WWOX: variants seen among roughly 807,000 people sequenced by gnomAD.
WWOX encodes the protein WW domain containing oxidoreductase.
A neutral mutation model predicts 46.2 loss-of-function variants in WWOX; 69 were observed. The ratio of observed to expected loss-of-function variants is 1.49; its 90% CI spans 1.23 to 1.82. The LOEUF is 1.82. Ranked by LOEUF, WWOX falls within the 40% of genes most tolerant of loss-of-function variation. WWOX has a pLI of 0.00. For missense variants in WWOX, 919 were observed against 542.6 expected (o/e 1.69, Z -6.89); for synonymous variants, 359 against 202.6 (o/e 1.77, Z -6.56).
In WWOX at chr16:78,346,877, G is replaced by A. The variant is rs1597072560; in HGVS notation, c.517-39983G>A. ...CTGCTACCATGCCTGGCTAATTTTTGTGTTGTTTTATTTTTATTTTATTTT... is the reference window on the plus strand; with the variant it reads ...CTGCTACCATGCCTGGCTAATTTTTATGTTGTTTTATTTTTATTTTATTTT... On this transcript the variant is annotated intron_variant, in intron 5 of 8. Coordinates refer to ENST00000566780, the MANE Select transcript of WWOX (RefSeq NM_016373.4). Among the ~76,000 whole-genome samples, 2 of 117,016 alleles carry A rather than the reference G, an allele frequency of 1.7e-5. 1 individual carries two copies. Among genetic ancestry groups the A allele is most frequent in the African/African-American group, 5.8e-5 (2 of 34,296 alleles). 76.8% of individuals were successfully genotyped at this position (117,016 alleles called of 152,430 possible).
intron 8 of WWOX, among the ~76,000 whole-genome samples, chr16:78,943,143 G>A (rs1278913554): frequency 6.6e-6 from 1 of 152,128 alleles, no homozygotes; most frequent in East Asian, 1.9e-4. Context: ...CACATGGTGG[G>A]TTCTTAAATA....
At chr16:79,091,779 GT>G (rs11329411) in intron 8 of WWOX, among the ~76,000 whole-genome samples, 8,922 of 108,828 alleles carry the variant, frequency 0.082, 156 homozygotes, top group Admixed American at 0.12. Context: ...TCTTTTCTTT[GT>G]TTTTTTTTTT....
At chr16:78,978,470 C>G (rs2046615912) in intron 8 of WWOX, among the ~76,000 whole-genome samples, 1 of 152,172 alleles carries the variant, frequency 6.6e-6, no homozygotes, top group South Asian at 2.1e-4. Flanking sequence ...TGCAGGGGTT[C>G]CAGTTTCTCA....
intron 8 of WWOX, among the ~76,000 whole-genome samples, chr16:78,515,267 T>C (rs773526339): frequency 3.3e-5 from 5 of 152,140 alleles, no homozygotes; most frequent in African/African-American, 7.2e-5. Context: ...ATTCCATAGC[T>C]GACTATTTTC....
chr16:78,750,471 ATTTAT>A (rs751818128), intron 8 of WWOX, among the ~76,000 whole-genome samples: 1 of 152,092 alleles, frequency 6.6e-6, no homozygotes, highest in Non-Finnish European at 1.5e-5. Context: ...GTAAACTGGG[ATTTAT>A]TTTATTTTAT....
At chr16:78,445,150 C>T (rs1044774733) in intron 8 of WWOX, among the ~76,000 whole-genome samples, 1 of 152,150 alleles carries the variant, frequency 6.6e-6, no homozygotes, top group African/African-American at 2.4e-5. Flanking sequence ...AGGTGTACAT[C>T]AGGGTATAAG....
At chr16:79,134,203 G>A (rs947924501) in intron 8 of WWOX, among the ~76,000 whole-genome samples, 1 of 151,934 alleles carries the variant, frequency 6.6e-6, no homozygotes, top group African/African-American at 2.4e-5. Context: ...TTCTTACAAA[G>A]GAAAAAGAAA....
chr16:78,540,157 C>T (rs879928709), intron 8 of WWOX, among the ~76,000 whole-genome samples: 2 of 150,584 alleles, frequency 1.3e-5, no homozygotes, highest in East Asian at 1.9e-4. Context: ...GTGATATATT[C>T]ATATATTTAG....
intron 5 of WWOX, among the ~76,000 whole-genome samples, chr16:78,240,285 C>T (rs1291719371): frequency 6.6e-6 from 1 of 151,652 alleles, no homozygotes; most frequent in East Asian, 1.9e-4. Context: ...TCATTGCCAG[C>T]CTGGGCAATA....
intron 8 of WWOX, among the ~76,000 whole-genome samples, chr16:78,571,512 A>G (rs945365186): frequency 6.6e-6 from 1 of 152,190 alleles, no homozygotes; most frequent in African/African-American, 2.4e-5. Context: ...AGTGCCTTAG[A>G]ATACAAACTG....
intron 8 of WWOX, among the ~76,000 whole-genome samples, chr16:78,664,458 G>C (rs1452474952): frequency 2.0e-5 from 3 of 152,290 alleles, no homozygotes; most frequent in East Asian, 1.9e-4. Context: ...CCTCGATCAG[G>C]CTGGATCATT....
intron 8 of WWOX, chr16:78,825,565 G>A (rs1424111009): frequency 3.7e-6 from 2 of 533,342 alleles, no homozygotes; most frequent in South Asian, 2.8e-5. Context: ...CCAGAGGTCT[G>A]TGTGCCATTG....
In WWOX at chr16:78,809,390, T is replaced by G. The variant is rs2293895; in HGVS notation, c.1056+376638T>G. On this transcript the variant is annotated intron_variant, in intron 8 of 8. Transcript: ENST00000566780. ...CATTTTTCGAATGAAAACTTTTTAT[T>G]ATATTTGATATATTCTGCTTCCCTT... is the stretch of plus-strand genomic sequence containing the variant. 4.6e-5 allele frequency among the ~76,000 whole-genome samples: 7 copies of G among 152,140 alleles called. No individual in the cohort carries two copies. In the East Asian group the frequency reaches 9.7e-4, roughly 21 times the overall value.
intron 8 of WWOX, among the ~76,000 whole-genome samples, chr16:78,886,892 G>C (rs951926321): frequency 2.6e-5 from 4 of 151,980 alleles, no homozygotes; most frequent in African/African-American, 7.2e-5. Flanking sequence ...CAGGGGCAAG[G>C]CTACTTTTTC....
intron 8 of WWOX, among the ~76,000 whole-genome samples, chr16:78,892,766 C>T (rs569909564): frequency 1.3e-5 from 2 of 152,186 alleles, no homozygotes; most frequent in South Asian, 2.1e-4. Flanking sequence ...TTTCTAACCT[C>T]TGTTGTAGAG....
intron 8 of WWOX, among the ~76,000 whole-genome samples, chr16:79,187,901 C>G (rs544836257): frequency 9.2e-5 from 14 of 152,324 alleles, no homozygotes; most frequent in African/African-American, 3.1e-4. Context: ...TTCTTCTGAG[C>G]TGTGAGTCCT....
intron 4 of WWOX, among the ~76,000 whole-genome samples, chr16:78,162,208 A>G (rs1281146040): frequency 6.6e-6 from 1 of 152,164 alleles, no homozygotes. Context: ...TTTTTCAAAA[A>G]TATTTTCACT....
At chr16:78,735,898 A>C (rs1413715777) in intron 8 of WWOX, among the ~76,000 whole-genome samples, 1 of 152,126 alleles carries the variant, frequency 6.6e-6, no homozygotes, top group Non-Finnish European at 1.5e-5. Flanking sequence ...CTATCCAGAA[A>C]CCGTATACCC....
intron 8 of WWOX, chr16:78,825,970 G>T (rs1358555582): frequency 1.3e-6 from 1 of 787,582 alleles, no homozygotes; most frequent in Non-Finnish European, 2.0e-6. Flanking sequence ...GGAAGCCAGA[G>T]CCGCCTGCTA....
Sources: allele counts gnomAD v4.1 joint callset (sites outside exome capture counted in the v4.1 genomes callset), GRCh38; gene constraint gnomAD v4.1.1; transcripts MANE v1.5; gene names NCBI Gene and HGNC (gene_info 2026-07-23, HGNC 2026-07-21).